The following CEP128 variants were observed in gnomAD, a reference collection of about 807,000 sequenced individuals.
CEP128 encodes the protein centrosomal protein 128kDa.
In CEP128, 132 loss-of-function variants were observed where a neutral mutation model predicts 156.7. That is an observed-to-expected ratio of 0.84 (90% CI 0.73 to 0.97). The LOEUF is 0.97. CEP128 is among the 50% of genes least tolerant of loss of function. The pLI, the probability that CEP128 is intolerant of heterozygous loss-of-function variation, is 0.00. For missense variants in CEP128, 1,252 were observed against 1,281.9 expected (o/e 0.98, Z 0.36); for synonymous variants, 469 against 448.9 (o/e 1.04, Z -0.57).
chr14:80,656,275 T>A (rs867382379), intron 19 of CEP128, among the ~76,000 whole-genome samples: 10 of 44,544 alleles, frequency 2.2e-4, no homozygotes, highest in East Asian at 1.3e-3. Context: ...ACCTAAGTTT[T>A]TATTTATATA....
At chr14:80,711,522 T>C (rs996755450) in intron 19 of CEP128, among the ~76,000 whole-genome samples, 2 of 152,120 alleles carry the variant, frequency 1.3e-5, no homozygotes, top group Non-Finnish European at 1.5e-5. Context: ...TGAGAACTCA[T>C]GTAGATAGAG....
intron 8 of CEP128, among the ~76,000 whole-genome samples, chr14:80,873,984 C>T (rs1172537716): frequency 6.6e-6 from 1 of 152,126 alleles, no homozygotes; most frequent in Admixed American, 6.5e-5. Context: ...GAGGCCTCCC[C>T]AGCCATGTGG....
intron 2 of CEP128, among the ~76,000 whole-genome samples, chr14:80,920,148 G>T (rs1884776040): frequency 6.6e-6 from 1 of 152,100 alleles, no homozygotes; most frequent in Non-Finnish European, 1.5e-5. Flanking sequence ...GACAACACAA[G>T]GTCTTACATG....
chr14:80,602,363 G>C (rs951449957), intron 19 of CEP128, among the ~76,000 whole-genome samples: 4 of 152,150 alleles, frequency 2.6e-5, no homozygotes, highest in African/African-American at 7.2e-5. Flanking sequence ...AAACCAACTA[G>C]ACCTAATAGT....
Position 80,535,363 on chromosome 14 carries a change from A to G in CEP128, c.2881-4477T>C, listed in dbSNP as rs568906676. ...GAAAATATTTTCATGGCAAATTGCC[A>G]GCTAAAACGGAGTACATTGCAACTA... On this transcript the variant is annotated intron_variant, in intron 21 of 24. Coordinates refer to ENST00000555265, the MANE Select transcript of CEP128 (RefSeq NM_152446.5). 3.1e-4 allele frequency among the ~76,000 whole-genome samples: 47 copies of G among 152,370 alleles called. No homozygotes were observed. The South Asian group carries it at 9.7e-3, about 32-fold the overall frequency.
chr14:80,571,940 C>T (rs541580945), intron 20 of CEP128, among the ~76,000 whole-genome samples: 4 of 152,320 alleles, frequency 2.6e-5, no homozygotes, highest in African/African-American at 9.6e-5. Context: ...ATTATCCATA[C>T]AATTACAATA....
intron 8 of CEP128, among the ~76,000 whole-genome samples, chr14:80,875,931 A>C (rs1028362373): frequency 6.6e-6 from 1 of 152,164 alleles, no homozygotes; most frequent in African/African-American, 2.4e-5. Context: ...GGCTCAATTA[A>C]ATACAAAATT....
chr14:80,831,891 A>G (rs928091815), intron 12 of CEP128, among the ~76,000 whole-genome samples: 1 of 152,198 alleles, frequency 6.6e-6, no homozygotes, highest in South Asian at 2.1e-4. Context: ...ACAAAACTTC[A>G]TCCTCAATGA....
At position 80,710,280 on chromosome 14, in the gene CEP128, C is replaced by T. The variant is rs546149372; in HGVS notation, c.2806+32795G>A. 4.2e-3 allele frequency among the ~76,000 whole-genome samples: 645 copies of T among 152,050 alleles called. 7 individuals are homozygous for T. The highest frequency in any genetic ancestry group is 0.015 in the African/African-American group (629 of 41,516). ...GTTACTAGATAAGAGATCTTATTGA[C>T]TGTTTTCTCATGAGAAATATCACAA... On this transcript the variant is annotated intron_variant, in intron 19 of 24. Coordinates refer to ENST00000555265, the MANE Select transcript of CEP128 (RefSeq NM_152446.5).
chr14:80,511,287 G>A (rs1888242543), intron 23 of CEP128, among the ~76,000 whole-genome samples: 1 of 151,810 alleles, frequency 6.6e-6, no homozygotes, highest in Admixed American at 6.6e-5. Context: ...CTCATTACTT[G>A]TTATTGGCCT....
chr14:80,624,614 A>G (rs1247508453), intron 19 of CEP128, among the ~76,000 whole-genome samples: 1 of 151,992 alleles, frequency 6.6e-6, no homozygotes, highest in African/African-American at 2.4e-5. Flanking sequence ...TTGATGATAA[A>G]TATTCTAACT....
intron 2 of CEP128, among the ~76,000 whole-genome samples, chr14:80,919,655 G>A (rs1367366018): frequency 6.6e-6 from 1 of 151,876 alleles, no homozygotes; most frequent in Non-Finnish European, 1.5e-5. Context: ...AAGATACGGG[G>A]GCATCTGAAT....
intron 19 of CEP128, among the ~76,000 whole-genome samples, chr14:80,683,793 A>G (rs556416766): frequency 1.3e-5 from 2 of 152,302 alleles, no homozygotes; most frequent in Admixed American, 6.5e-5. Flanking sequence ...GAATAAAAAT[A>G]GAAATCAATA....
At chr14:80,582,656 C>A (rs995337901) in intron 19 of CEP128, among the ~76,000 whole-genome samples, 32 of 151,906 alleles carry the variant, frequency 2.1e-4, no homozygotes, top group African/African-American at 7.7e-4. Context: ...AGAATAGTTT[C>A]CAAATGCAAA....
chr14:80,780,611 G>A (rs1901056565), intron 15 of CEP128, among the ~76,000 whole-genome samples: 1 of 142,606 alleles, frequency 7.0e-6, no homozygotes, highest in Non-Finnish European at 1.5e-5. Flanking sequence ...TTTACACATA[G>A]GGAATTTACT....
At chr14:80,740,851 G>C (rs561746559) in intron 19 of CEP128, among the ~76,000 whole-genome samples, 1 of 152,232 alleles carries the variant, frequency 6.6e-6, no homozygotes, top group Non-Finnish European at 1.5e-5. Flanking sequence ...CCTTGGTACA[G>C]TACACGCTGC....
At chr14:80,899,848 T>C (rs1311756438) in intron 7 of CEP128, 90 bp downstream of exon 7, 10 of 928,938 alleles carry the variant, frequency 1.1e-5, no homozygotes, top group Non-Finnish European at 1.7e-5. Context: ...ACAACATTTT[T>C]TAAAAATCTA....
downstream of CEP128, among the ~76,000 whole-genome samples, chr14:80,489,933 C>T (rs977894221): frequency 1.3e-5 from 2 of 149,840 alleles, no homozygotes; most frequent in Non-Finnish European, 3.0e-5. Context: ...AAAGAAACAC[C>T]TTCTCTGAGT....
chr14:80,909,815 GA>G (rs1884105394), intron 4 of CEP128, among the ~76,000 whole-genome samples: 1 of 152,106 alleles, frequency 6.6e-6, no homozygotes, highest in African/African-American at 2.4e-5. Context: ...AAGAAATAAA[GA>G]GACAAAGTAC....
Sources: allele counts gnomAD v4.1 joint callset (sites outside exome capture counted in the v4.1 genomes callset), GRCh38; gene constraint gnomAD v4.1.1; transcripts MANE v1.5; gene names NCBI Gene and HGNC (gene_info 2026-07-23, HGNC 2026-07-21).